The following CFAP43 variants were observed in gnomAD, a reference collection of about 807,000 sequenced individuals.
CFAP43 encodes the protein cilia- and flagella-associated protein 43.
In CFAP43, 155 loss-of-function variants were observed where a neutral mutation model predicts 218.9. The observed-to-expected ratio is 0.71, with a 90% CI of 0.62 to 0.81. CFAP43 has a LOEUF of 0.81. Among genes scored for constraint, CFAP43 ranks in the 30% least tolerant of loss-of-function variants. CFAP43 has a pLI of 0.00. For missense variants in CFAP43, 1,778 were observed against 1,954.3 expected (o/e 0.91, Z 1.70); for synonymous variants, 645 against 681.3 (o/e 0.95, Z 0.83).
At chr10:104,188,508 A>G (rs2090105775) in intron 12 of CFAP43, 98 bp from the exon 13 acceptor site, 1 of 1,428,196 alleles carries the variant, frequency 7.0e-7, no homozygotes. Context: ...ACTTGCCTTC[A>G]CTATATCTTT....
intron 17 of CFAP43, among the ~76,000 whole-genome samples, chr10:104,182,113 AT>A (rs201274968): frequency 6.6e-6 from 1 of 151,932 alleles, no homozygotes; most frequent in Middle Eastern, 3.4e-3. Context: ...TGGGTAGAAG[AT>A]TTTTTTTTCC....
Position 104,140,925 on chromosome 10 carries a change from C to T in CFAP43, c.4348G>A (p.Glu1450Lys). 6.2e-7 allele frequency: 1 copy of T among 1,613,500 alleles called. No individual in the cohort carries two copies. Among genetic ancestry groups the T allele is most frequent in the Non-Finnish European group, 8.5e-7 (1 of 1,179,750 alleles). The stretch of plus-strand genomic sequence containing the variant: ...TACTCCAGTACTAGCTGGAAATTTT[C>T]CAGTTCTACTTGTCCTTGTTTAAGA... ...ILLKQGQVELENFQLVLEYSD... is the reference protein window; with the variant it reads ...ILLKQGQVELKNFQLVLEYSD... Residue 1450 changes from glutamate (E) to lysine (K), a missense_variant, in exon 34 of 38, where the codon GAA becomes AAA. By Grantham distance (56) the Glu-to-Lys change is moderately conservative (BLOSUM62 1). Around this residue, in one of 3 missense-constraint regions of CFAP43, gnomAD observed 14 missense variants for 38.5 expected, o/e 0.36. Coordinates refer to ENST00000357060, the MANE Select transcript of CFAP43 (RefSeq NM_025145.7).
intron 19 of CFAP43, among the ~76,000 whole-genome samples, chr10:104,174,994 G>T (rs2089562701): frequency 6.6e-6 from 1 of 151,984 alleles, no homozygotes; most frequent in South Asian, 2.1e-4. Context: ...GGCAGAGCTT[G>T]CAGTGAGCCG....
In CFAP43 at chr10:104,166,697, C is replaced by A. The variant is rs770453545; in HGVS notation, c.2830G>T (p.Ala944Ser). Reference sequence around the variant, plus strand: ...TTAATCAACTTAACTCCAGACTGAGCCTCTACAATTTCCTTCCGTAGCTAC... The same window carrying A: ...TTAATCAACTTAACTCCAGACTGAGACTCTACAATTTCCTTCCGTAGCTAC... Reference protein sequence around the residue: ...CLKLRKEIVEAQSGVKLIKQR... With the variant: ...CLKLRKEIVESQSGVKLIKQR... Residue 944 changes from alanine (A) to serine (S), a missense_variant, in exon 23 of 38, where the codon GCT becomes TCT. By Grantham distance (99) the Ala-to-Ser change is moderately conservative. This residue lies in a region of CFAP43 where 1,553 missense variants were observed against 1,685.2 expected (regional missense o/e 0.92). Transcript: ENST00000357060. 1 of 1,609,978 alleles carries A rather than the reference C, an allele frequency of 6.2e-7. No individual in the cohort carries two copies. Among genetic ancestry groups the A allele is most frequent in the African/African-American group, 1.3e-5 (1 of 74,864 alleles).
intron 23 of CFAP43, among the ~76,000 whole-genome samples, chr10:104,164,555 G>A (rs1396190398): frequency 6.6e-6 from 1 of 151,976 alleles, no homozygotes; most frequent in Non-Finnish European, 1.5e-5. Flanking sequence ...CCGCTACCAC[G>A]CCCGGCTAAT....
Position 104,159,168 on chromosome 10 carries a change from A to AT in CFAP43, c.3540+1868dup, listed in dbSNP as rs953769695. Among the ~76,000 whole-genome samples the AT allele has an allele frequency of 2.2e-3, 331 of 150,344 alleles. 2 individuals are homozygous for AT. Among genetic ancestry groups the AT allele is most frequent in the African/African-American group, 7.1e-3 (291 of 41,096 alleles). On this transcript the variant is annotated intron_variant, in intron 27 of 37. Coordinates refer to ENST00000357060, the MANE Select transcript of CFAP43 (RefSeq NM_025145.7). ...TGTTTGACATTTTCCACGATACAAG[A>AT]TTTTTTTTTTACTTGAGAGAGAAAT...
chr10:104,131,273 A>G, intron 37 of CFAP43, 58 bp downstream of exon 37: 1 of 1,560,916 alleles, frequency 6.4e-7, no homozygotes. Flanking sequence ...ACATTTTAGG[A>G]TTACTGATTA....
At chr10:104,187,532 T>TA in intron 13 of CFAP43, 40 bp from the exon 14 acceptor site, 1 of 1,447,936 alleles carries the variant, frequency 6.9e-7, no homozygotes, top group Non-Finnish European at 9.1e-7. Flanking sequence ...ACTTGTACCA[T>TA]AAATTAATTT....
rs2087928578 is a variant in CFAP43, at chr10:104,145,638, A to T, written c.3856-74T>A. The T allele has an allele frequency of 3.1e-6, 3 of 972,424 alleles. No individual in the cohort carries two copies. The East Asian group carries it at 7.6e-5, about 25-fold the overall frequency. 60.2% of individuals were successfully genotyped at this position (972,424 alleles called of 1,614,324 possible). On this transcript the variant is annotated intron_variant, in intron 30 of 37. Coordinates refer to ENST00000357060, the MANE Select transcript of CFAP43 (RefSeq NM_025145.7). ...TTTATTTGTTGACAATACTCTTCAA[A>T]ATACAGGTGGTAGCACTTTGGTTTT...
At chr10:104,218,347 CAAAAA>C (rs68078522) in intron 3 of CFAP43, among the ~76,000 whole-genome samples, 2 of 98,616 alleles carry the variant, frequency 2.0e-5, no homozygotes, top group Non-Finnish European at 4.6e-5. Context: ...GACTGTGTCT[CAAAAA>C]AAAAAAAAAA....
chr10:104,176,656 C>T (rs537130611), intron 19 of CFAP43, among the ~76,000 whole-genome samples: 6 of 152,306 alleles, frequency 3.9e-5, no homozygotes, highest in South Asian at 2.1e-4. Flanking sequence ...CACACTTCCA[C>T]GCTCTTCTCC....
chr10:104,229,499 TA>T (rs34183569), intron 2 of CFAP43, among the ~76,000 whole-genome samples: 251 of 97,796 alleles, frequency 2.6e-3, no homozygotes, highest in Middle Eastern at 0.017. Flanking sequence ...GCCAAAAACA[TA>T]AAAAAAAAAA....
At chr10:104,176,679 T>C (rs573730326) in intron 19 of CFAP43, among the ~76,000 whole-genome samples, 1 of 152,078 alleles carries the variant, frequency 6.6e-6, no homozygotes, top group Non-Finnish European at 1.5e-5. Flanking sequence ...TCCAACTGAC[T>C]CAAATGAGAT....
At chr10:104,138,750 G>A (rs1371646823) in intron 34 of CFAP43, among the ~76,000 whole-genome samples, 1 of 151,758 alleles carries the variant, frequency 6.6e-6, no homozygotes, top group Non-Finnish European at 1.5e-5. Context: ...ACAGAAAAAT[G>A]ACCTTAAGTA....
intron 27 of CFAP43, among the ~76,000 whole-genome samples, chr10:104,155,582 A>C (rs703336): frequency 0.28 from 42,164 of 151,936 alleles, 8,400 homozygotes; most frequent in African/African-American, 0.57. Flanking sequence ...CTCAGCCAGG[A>C]GGTGATAAGT....
At position 104,166,520 on chromosome 10, in the gene CFAP43, C is replaced by T. The variant is rs1000525333; in HGVS notation, c.3007G>A (p.Glu1003Lys). 1 of 1,613,772 alleles carries T rather than the reference C, an allele frequency of 6.2e-7. No homozygotes were observed. Among genetic ancestry groups the T allele is most frequent in the Non-Finnish European group, 8.5e-7 (1 of 1,179,920 alleles). Reference protein sequence around the residue: ...LSSQLELHSREEKINQIILLK... With the variant: ...LSSQLELHSRKEKINQIILLK... The stretch of plus-strand genomic sequence containing the variant: ...AATATAATTTGGTTGATTTTCTCTT[C>T]TCTGGAATGAAGCTCCAATTGGCTT... The change falls in exon 23 of 38, where the codon GAA becomes AAA. Residue 1003 changes from glutamate to lysine, a missense_variant. Transcript: ENST00000357060.
intron 3 of CFAP43, among the ~76,000 whole-genome samples, chr10:104,222,711 C>G (rs1241003311): frequency 6.6e-6 from 1 of 152,174 alleles, no homozygotes; most frequent in Admixed American, 6.5e-5. Context: ...ACTACCTACC[C>G]ATAGTCTCAG....
At chr10:104,171,022 C>T (rs2089386129) in intron 20 of CFAP43, among the ~76,000 whole-genome samples, 1 of 152,156 alleles carries the variant, frequency 6.6e-6, no homozygotes, top group African/African-American at 2.4e-5. Flanking sequence ...CTTTGCACAG[C>T]CAGATCTCTC....
intron 3 of CFAP43, among the ~76,000 whole-genome samples, chr10:104,222,118 T>C (rs1270045202): frequency 6.6e-6 from 1 of 152,228 alleles, no homozygotes; most frequent in Non-Finnish European, 1.5e-5. Flanking sequence ...ATCAATTTAC[T>C]TCCAGGAGTC....
Sources: allele counts gnomAD v4.1 joint callset (sites outside exome capture counted in the v4.1 genomes callset), GRCh38; gene constraint gnomAD v4.1.1; regional missense constraint gnomAD v4.1.1; transcripts MANE v1.5; gene names NCBI Gene and HGNC (gene_info 2026-07-23, HGNC 2026-07-21).